Variants in EPS15L1 observed in about 807,000 individuals in gnomAD.
EPS15L1 encodes epidermal growth factor receptor substrate 15-like 1.
In EPS15L1, 43 loss-of-function variants were observed where a neutral mutation model predicts 117.1. The ratio of observed to expected loss-of-function variants is 0.37; its 90% CI spans 0.29 to 0.47. The LOEUF is 0.47. Among genes scored for constraint, EPS15L1 ranks in the 20% least tolerant of loss-of-function variants. The pLI is 0.99. For synonymous variants in EPS15L1, 459 were observed against 470.5 expected (o/e 0.98, Z 0.32); for missense variants, 981 against 1,164.0 (o/e 0.84, Z 2.29).
At chr19:16,420,788 C>T (rs73511126) in intron 10 of EPS15L1, among the ~76,000 whole-genome samples, 167 of 152,354 alleles carry the variant, frequency 1.1e-3, no homozygotes, top group African/African-American at 3.8e-3. Context: ...CTGTGTCCAG[C>T]CCTGGGGGAA....
intron 7 of EPS15L1, among the ~76,000 whole-genome samples, chr19:16,431,537 C>G (rs1014211185): frequency 2.0e-5 from 3 of 151,942 alleles, no homozygotes; most frequent in African/African-American, 7.2e-5. Flanking sequence ...CTTTTGATCT[C>G]GTGATCTGCC....
chr19:16,412,898 G>C, intron 13 of EPS15L1: 1 of 625,566 alleles, frequency 1.6e-6, no homozygotes, highest in Non-Finnish European at 3.0e-6. Context: ...AAGCTGGGCC[G>C]CCTGGTCAAG....
chr19:16,394,894 C>T (rs1227682029), intron 17 of EPS15L1, among the ~76,000 whole-genome samples: 1 of 152,112 alleles, frequency 6.6e-6, no homozygotes, highest in East Asian at 1.9e-4. Context: ...GATGCCTTGG[C>T]TCTCTGGTTA....
chr19:16,411,164 C>T (rs1372323422), intron 13 of EPS15L1, among the ~76,000 whole-genome samples: 1 of 152,130 alleles, frequency 6.6e-6, no homozygotes, highest in Admixed American at 6.5e-5. Flanking sequence ...CAACATTATT[C>T]ACAACAGCCA....
chr19:16,393,755 T>C (rs1261858550), intron 18 of EPS15L1, among the ~76,000 whole-genome samples, 196 bp downstream of exon 18: 3 of 151,616 alleles, frequency 2.0e-5, no homozygotes, highest in African/African-American at 7.3e-5. Context: ...GTGCGGGCAG[T>C]GACTGGACCT....
intron 21 of EPS15L1, 73 bp from the exon 22 acceptor site, chr19:16,377,327 C>T (rs756453569): frequency 5.8e-6 from 9 of 1,562,168 alleles, no homozygotes; most frequent in African/African-American, 4.1e-5. Flanking sequence ...ACTGAACAGA[C>T]GCTCATGCTC....
chr19:16,386,509 AG>A (rs1439307852), intron 19 of EPS15L1, among the ~76,000 whole-genome samples: 1 of 152,208 alleles, frequency 6.6e-6, no homozygotes, highest in African/African-American at 2.4e-5. Flanking sequence ...AAGACTTTGG[AG>A]GAGAATTTGA....
chr19:16,424,061 G>C (rs562248342), intron 9 of EPS15L1, among the ~76,000 whole-genome samples: 109 of 152,332 alleles, frequency 7.2e-4, no homozygotes, highest in Non-Finnish European at 1.3e-3. Context: ...GGCTCTCCCA[G>C]TGACAGCTGG....
chr19:16,416,403 A>C (rs1021320440), intron 12 of EPS15L1, among the ~76,000 whole-genome samples: 55 of 152,234 alleles, frequency 3.6e-4, no homozygotes, highest in African/African-American at 1.3e-3. Flanking sequence ...TGGGAGGCCA[A>C]GGCCAGAGGA....
At chr19:16,427,073 G>A (rs373202621) in intron 8 of EPS15L1, among the ~76,000 whole-genome samples, 2 of 152,100 alleles carry the variant, frequency 1.3e-5, no homozygotes, top group Non-Finnish European at 2.9e-5. Context: ...TGGGAAGGGC[G>A]AGAGAGTGAT....
intron 1 of EPS15L1, among the ~76,000 whole-genome samples, chr19:16,463,357 C>T (rs1327271471): frequency 6.6e-6 from 1 of 152,142 alleles, no homozygotes; most frequent in African/African-American, 2.4e-5. Flanking sequence ...CCTCACCTGT[C>T]CAAACAGCTA....
At chr19:16,380,885 G>T (rs1165870497) in intron 21 of EPS15L1, among the ~76,000 whole-genome samples, 1 of 152,210 alleles carries the variant, frequency 6.6e-6, no homozygotes, top group Non-Finnish European at 1.5e-5. Flanking sequence ...ATCGATCTGG[G>T]CTATTTGCGT....
intron 1 of EPS15L1, among the ~76,000 whole-genome samples, chr19:16,452,498 T>C (rs1420664103): frequency 1.3e-5 from 2 of 149,984 alleles, no homozygotes; most frequent in East Asian, 1.9e-4. Context: ...CACTCGCCTG[T>C]AGTCCCAGCT....
chr19:16,403,828 C>G lies in EPS15L1; in HGVS notation c.1531G>C (p.Glu511Gln). ...AKSELNRLQQ[E>Q]ETQLEQSIQA... ...ATGCTCTGCTCCAGCTGGGTTTCCT[C>G]CTGCTGCAATCGGTTCAGCTCCGAC... Residue 511 changes from glutamate to glutamine, a missense_variant, in exon 15 of 24, where the codon GAG (glutamate) becomes CAG (glutamine). Transcript: ENST00000455140. The G allele has an allele frequency of 6.2e-7, 1 of 1,614,160 alleles. No homozygotes were observed. The highest frequency in any genetic ancestry group is 8.5e-7 in the Non-Finnish European group (1 of 1,180,038).
chr19:16,393,020 C>T (rs2092494594), intron 18 of EPS15L1, among the ~76,000 whole-genome samples: 1 of 151,338 alleles, frequency 6.6e-6, no homozygotes, highest in Non-Finnish European at 1.5e-5. Flanking sequence ...CCAGCCTAGG[C>T]AATAGAGTAA....
intron 23 of EPS15L1, chr19:16,357,788 T>C (rs1205894456): frequency 6.6e-6 from 1 of 152,132 alleles, no homozygotes. Flanking sequence ...AGCTAAACAC[T>C]TGGGGGTCTG....
Position 16,405,269 on chromosome 19 carries a change from G to A in EPS15L1, c.1267-520C>T, listed in dbSNP as rs1166877901. On this transcript the variant is annotated intron_variant, in intron 13 of 23. Coordinates refer to ENST00000455140, the MANE Select transcript of EPS15L1 (RefSeq NM_001258374.3). This position sits in a 1 kb window ranked among gnomAD's most constrained non-coding sequence, Gnocchi z 4.0. ...ACCACAGGGACCCCAGGGTCGGGGG[G>A]TGTCGCACTCCAGCTAGAGCAAAAG... Among the ~76,000 whole-genome samples the A allele has an allele frequency of 1.3e-5, 2 of 152,152 alleles. No individual in the cohort carries two copies. Among genetic ancestry groups the A allele is most frequent in the African/African-American group, 4.8e-5 (2 of 41,440 alleles).
chr19:16,406,076 T>C (rs1387864557), intron 13 of EPS15L1, among the ~76,000 whole-genome samples: 1 of 150,540 alleles, frequency 6.6e-6, no homozygotes, highest in Admixed American at 6.6e-5. Flanking sequence ...CATGGCTGGG[T>C]GGTGGGGCTG....
intron 1 of EPS15L1, among the ~76,000 whole-genome samples, chr19:16,465,648 C>T (rs2093297745): frequency 6.6e-6 from 1 of 152,120 alleles, no homozygotes. Context: ...CACCACTGTA[C>T]TCCAGCGTAG....
Sources: gnomAD v4.1 joint callset for allele counts (sites outside exome capture counted in the v4.1 genomes callset) on GRCh38, gnomAD v4.1.1 for gene constraint, Gnocchi (gnomAD v3.1) non-coding constraint, MANE v1.5 for transcripts, NCBI Gene and HGNC (gene_info 2026-07-23, HGNC 2026-07-21) for gene names.